Variants in NKAIN2 observed in about 807,000 individuals in gnomAD.
NKAIN2 encodes the protein sodium/potassium-transporting ATPase subunit beta-1-interacting protein 2.
A neutral mutation model predicts 32.6 loss-of-function variants in NKAIN2; 14 were observed. The ratio of observed to expected loss-of-function variants is 0.43; its 90% CI spans 0.28 to 0.67. The LOEUF is 0.67. Among genes scored for constraint, NKAIN2 ranks in the 30% least tolerant of loss-of-function variants. The probability of loss-of-function intolerance (pLI) is 0.17; values close to 1 mark genes in which losing one functional copy is unlikely to be tolerated. For missense variants in NKAIN2, 198 were observed against 258.3 expected (o/e 0.77, Z 1.60); for synonymous variants, 80 against 87.2 (o/e 0.92, Z 0.46).
chr6:124,333,800 A>G (rs1175150699), intron 2 of NKAIN2, among the ~76,000 whole-genome samples: 1 of 152,210 alleles, frequency 6.6e-6, no homozygotes, highest in East Asian at 1.9e-4. Context: ...GCTTTAATTC[A>G]GAAGGTAAGC....
intron 4 of NKAIN2, among the ~76,000 whole-genome samples, chr6:124,695,467 C>T (rs1271629161): frequency 6.6e-6 from 1 of 152,164 alleles, no homozygotes; most frequent in African/African-American, 2.4e-5. Context: ...TCCTTGAACT[C>T]CACTTATTGA....
intron 4 of NKAIN2, among the ~76,000 whole-genome samples, chr6:124,763,840 A>G (rs113306075): frequency 2.0e-5 from 3 of 152,216 alleles, no homozygotes; most frequent in African/African-American, 7.2e-5. Flanking sequence ...ATAATTTAAA[A>G]ATAAAATAAG....
At chr6:123,854,887 T>C (rs1775496495) in intron 1 of NKAIN2, among the ~76,000 whole-genome samples, 1 of 152,170 alleles carries the variant, frequency 6.6e-6, no homozygotes, top group African/African-American at 2.4e-5. Flanking sequence ...TTTGGTCTTC[T>C]GCGTCTTTCC....
chr6:124,440,238 G>A (rs143238119), intron 3 of NKAIN2, among the ~76,000 whole-genome samples: 23 of 152,116 alleles, frequency 1.5e-4, no homozygotes, highest in East Asian at 9.7e-4. Flanking sequence ...CACAGTATCC[G>A]CTATAGTCCA....
intron 3 of NKAIN2, among the ~76,000 whole-genome samples, chr6:124,565,849 T>C (rs577028139): frequency 6.6e-6 from 1 of 152,298 alleles, no homozygotes; most frequent in African/African-American, 2.4e-5. Flanking sequence ...ATGGGAAGTG[T>C]TTCTAACATG....
chr6:124,615,375 C>G (rs1026434361), intron 3 of NKAIN2, among the ~76,000 whole-genome samples: 1 of 152,160 alleles, frequency 6.6e-6, no homozygotes, highest in Non-Finnish European at 1.5e-5. Context: ...TGTACTAAAA[C>G]TAACAAGCAA....
chr6:124,727,066 CA>C (rs1776362096), intron 4 of NKAIN2, among the ~76,000 whole-genome samples: 1 of 151,862 alleles, frequency 6.6e-6, no homozygotes, highest in African/African-American at 2.4e-5. Flanking sequence ...GTGAAAAGAC[CA>C]AATCTACGTC....
At chr6:124,027,974 C>T (rs1449081148) in intron 1 of NKAIN2, among the ~76,000 whole-genome samples, 1 of 152,088 alleles carries the variant, frequency 6.6e-6, no homozygotes, top group Non-Finnish European at 1.5e-5. Context: ...AAATAAATAG[C>T]CTTCCATGAT....
Position 123,860,847 on chromosome 6 carries a change from T to C in NKAIN2, c.54+56593T>C, listed in dbSNP as rs1363722394. On this transcript the variant is annotated intron_variant, in intron 1 of 6. Coordinates refer to ENST00000368417, the MANE Select transcript of NKAIN2 (RefSeq NM_001040214.3). ...TTCTCATGTCATGTCTCCTTGCCTC[T>C]AATTCACTCCCACTCAGTGTTTGCC... 2.0e-5 allele frequency among the ~76,000 whole-genome samples: 3 copies of C among 152,232 alleles called. No homozygotes were observed. In the East Asian group the frequency reaches 5.8e-4, roughly 29 times the overall value.
intron 4 of NKAIN2, among the ~76,000 whole-genome samples, chr6:124,697,608 T>G (rs1774562235): frequency 6.6e-6 from 1 of 152,216 alleles, no homozygotes; most frequent in Admixed American, 6.5e-5. Flanking sequence ...ATGCAGGATT[T>G]CAGCCTGCAA....
At chr6:124,131,588 A>C (rs182471921) in intron 1 of NKAIN2, among the ~76,000 whole-genome samples, 107 of 152,358 alleles carry the variant, frequency 7.0e-4, no homozygotes, top group Non-Finnish European at 2.5e-4. Context: ...ACCTGCCTCC[A>C]AACACACATC....
At chr6:123,841,582 C>A (rs1407587266) in intron 1 of NKAIN2, among the ~76,000 whole-genome samples, 1 of 152,130 alleles carries the variant, frequency 6.6e-6, no homozygotes, top group Non-Finnish European at 1.5e-5. Flanking sequence ...AACAGGAAGT[C>A]TGTACACAGT....
At chr6:124,180,439 C>T (rs115007966) in intron 1 of NKAIN2, among the ~76,000 whole-genome samples, 2,884 of 152,132 alleles carry the variant, frequency 0.019, 74 homozygotes, top group African/African-American at 0.058. Flanking sequence ...AAAAAACCCA[C>T]CCCTATGATT....
chr6:124,343,586 G>A (rs1454036121), intron 2 of NKAIN2, among the ~76,000 whole-genome samples: 1 of 152,024 alleles, frequency 6.6e-6, no homozygotes, highest in Non-Finnish European at 1.5e-5. Context: ...GGTCAGTGAT[G>A]ATGAGCATGT....
intron 1 of NKAIN2, among the ~76,000 whole-genome samples, chr6:124,113,001 T>A (rs922664696): frequency 6.6e-6 from 1 of 152,152 alleles, no homozygotes; most frequent in Non-Finnish European, 1.5e-5. Flanking sequence ...CATTGTCAGG[T>A]TAACCATTTC....
At chr6:124,288,524 G>C (rs1795662651) in intron 2 of NKAIN2, among the ~76,000 whole-genome samples, 1 of 152,052 alleles carries the variant, frequency 6.6e-6, no homozygotes, top group Non-Finnish European at 1.5e-5. Flanking sequence ...TCTTAGTGAT[G>C]GATATTTTAT....
chr6:124,765,445 C>T (rs915257302), intron 4 of NKAIN2, among the ~76,000 whole-genome samples: 1 of 152,170 alleles, frequency 6.6e-6, no homozygotes, highest in Admixed American at 6.5e-5. Context: ...ATCAAGCTGC[C>T]GCACAGCACT....
At chr6:124,604,975 T>C (rs1397338085) in intron 3 of NKAIN2, among the ~76,000 whole-genome samples, 2 of 152,004 alleles carry the variant, frequency 1.3e-5, no homozygotes, top group Non-Finnish European at 2.9e-5. Flanking sequence ...GTCAAATAAA[T>C]GAACAGAGGA....
At chr6:124,719,682 C>T (rs1226971986) in intron 4 of NKAIN2, among the ~76,000 whole-genome samples, 2 of 150,988 alleles carry the variant, frequency 1.3e-5, no homozygotes, top group Non-Finnish European at 2.9e-5. Context: ...CCATGGCTGA[C>T]CTATGAGCCA....
Sources: gnomAD v4.1 joint callset for allele counts (sites outside exome capture counted in the v4.1 genomes callset) on GRCh38, gnomAD v4.1.1 for gene constraint, MANE v1.5 for transcripts, NCBI Gene and HGNC (gene_info 2026-07-23, HGNC 2026-07-21) for gene names.